Variants in CYP2C19 observed in about 807,000 individuals in gnomAD.
CYP2C19 encodes the protein cytochrome P450 family 2 subfamily C member 19.
In CYP2C19, 59 loss-of-function variants were observed where a neutral mutation model predicts 40.9. The ratio of observed to expected loss-of-function variants is 1.44; its 90% CI spans 1.17 to 1.79. CYP2C19 has a LOEUF of 1.79. Among genes scored for constraint, CYP2C19 ranks in the 40% most tolerant of loss-of-function variants. The pLI is 0.00. For missense variants in CYP2C19, 754 were observed against 596.9 expected, an observed-to-expected ratio of 1.26 and a Z score of -2.74; for synonymous variants, 253 against 208.7, an observed-to-expected ratio of 1.21 and a Z score of -1.83.
At chr10:94,830,137 A>T (rs1849306416) in intron 6 of CYP2C19, among the ~76,000 whole-genome samples, 1 of 152,210 alleles carries the variant, frequency 6.6e-6, no homozygotes, top group Admixed American at 6.5e-5. Flanking sequence ...CCAGAGGTGG[A>T]GCCTACAGAG....
intron 5 of CYP2C19, among the ~76,000 whole-genome samples, chr10:94,812,375 A>G (rs1848940102): frequency 6.6e-6 from 1 of 151,756 alleles, no homozygotes; most frequent in Admixed American, 6.6e-5. Flanking sequence ...CTTGAGGAGT[A>G]TCATTGTGGG....
intron 7 of CYP2C19, among the ~76,000 whole-genome samples, chr10:94,847,668 G>T (rs1253779904): frequency 6.6e-6 from 1 of 152,174 alleles, no homozygotes; most frequent in Non-Finnish European, 1.5e-5. Context: ...CTTCCACAAT[G>T]GTTGAACTAG....
At chr10:94,839,301 G>A (rs927780067) in intron 6 of CYP2C19, among the ~76,000 whole-genome samples, 1 of 151,502 alleles carries the variant, frequency 6.6e-6, no homozygotes, top group South Asian at 2.1e-4. Context: ...ACTCAGAGGT[G>A]AGTTCCTTTC....
chr10:94,788,198 A>C (rs1848567496), intron 5 of CYP2C19, among the ~76,000 whole-genome samples: 1 of 151,896 alleles, frequency 6.6e-6, no homozygotes, highest in Admixed American at 6.6e-5. Context: ...GATGTATACA[A>C]ATGGTACTGA....
At chr10:94,778,369 A>T (rs1296841832) in intron 3 of CYP2C19, among the ~76,000 whole-genome samples, 1 of 152,052 alleles carries the variant, frequency 6.6e-6, no homozygotes, top group East Asian at 1.9e-4. Flanking sequence ...GAGCCTTCCG[A>T]CCTTTCAGAA....
At position 94,781,958 on chromosome 10, in the gene CYP2C19, T is replaced by G; in HGVS notation, c.780T>G (p.Pro260=). The G allele has an allele frequency of 1.3e-6, 2 of 1,532,100 alleles. No individual in the cohort carries two copies. Among genetic ancestry groups the G allele is most frequent in the South Asian group, 2.7e-5 (2 of 74,100 alleles). 94.9% of individuals were successfully genotyped at this position (1,532,100 alleles called of 1,614,324 possible). A position where few individuals can be genotyped will look rare whatever the true frequency, so the allele number is the denominator to read the frequency against. ...AAGAATCGATGGACATCAACAACCCTCGGGACTTTATTGATTGCTTCCTGA... is the reference window on the plus strand; with the variant it reads ...AAGAATCGATGGACATCAACAACCCGCGGGACTTTATTGATTGCTTCCTGA... The part of the protein sequence containing the change: ...EHQESMDINN[P]RDFIDCFLIK... The change falls in exon 5 of 9, where the codon CCT becomes CCG. Residue 260 remains proline (P), a synonymous_variant. Coordinates refer to ENST00000371321, the MANE Select transcript of CYP2C19 (RefSeq NM_000769.4).
chr10:94,813,355 T>C lies in CYP2C19; in HGVS notation c.820-7141T>C, dbSNP rs933886201. Among the ~76,000 whole-genome samples, 6 of 151,978 alleles carry C rather than the reference T, an allele frequency of 3.9e-5. No individual in the cohort carries two copies. In the East Asian group the frequency reaches 7.8e-4, roughly 20 times the overall value. On this transcript the variant is annotated intron_variant, in intron 5 of 8. Transcript: ENST00000371321. Reference sequence around the variant, plus strand: ...TCTTTAGAGCCAGCAGGCAGGAACATTTAAGTCTGCCGAAGCTGCACCCAC... The same window carrying C: ...TCTTTAGAGCCAGCAGGCAGGAACACTTAAGTCTGCCGAAGCTGCACCCAC...
intron 6 of CYP2C19, among the ~76,000 whole-genome samples, chr10:94,822,777 G>C (rs920478648): frequency 5.3e-5 from 8 of 152,064 alleles, no homozygotes; most frequent in Admixed American, 5.2e-4. Flanking sequence ...CATTCTGACT[G>C]GTGTGAGATG....
chr10:94,809,443 A>G (rs755829335), intron 5 of CYP2C19, among the ~76,000 whole-genome samples: 6 of 152,098 alleles, frequency 3.9e-5, no homozygotes, highest in Admixed American at 1.3e-4. Flanking sequence ...AACGTGATAT[A>G]ATCCCATTTG....
chr10:94,791,329 C>T (rs1191583179), intron 5 of CYP2C19, among the ~76,000 whole-genome samples: 1 of 152,068 alleles, frequency 6.6e-6, no homozygotes, highest in Non-Finnish European at 1.5e-5. Flanking sequence ...CTCCTGGATT[C>T]ATTAACTTTT....
chr10:94,835,901 T>A (rs1305438663), intron 6 of CYP2C19, among the ~76,000 whole-genome samples: 1 of 152,198 alleles, frequency 6.6e-6, no homozygotes. Context: ...CTGACCACTG[T>A]GTACCTCGCT....
chr10:94,816,457 T>G (rs1341243135), intron 5 of CYP2C19, among the ~76,000 whole-genome samples: 1 of 152,122 alleles, frequency 6.6e-6, no homozygotes, highest in African/African-American at 2.4e-5. Context: ...TAACAAACTA[T>G]ACCAAACAGC....
intron 5 of CYP2C19, among the ~76,000 whole-genome samples, chr10:94,793,113 G>A (rs1404418947): frequency 3.3e-5 from 5 of 151,812 alleles, no homozygotes; most frequent in Admixed American, 3.3e-4. Flanking sequence ...TTGATCTTCA[G>A]TCTCTGATAC....
chr10:94,824,400 T>A (rs143373232), intron 6 of CYP2C19, among the ~76,000 whole-genome samples: 194 of 152,276 alleles, frequency 1.3e-3, no homozygotes, highest in African/African-American at 4.5e-3. Context: ...GAAACGTGAA[T>A]GTATTTTCAG....
chr10:94,763,682 G>A (rs531325472), intron 1 of CYP2C19, among the ~76,000 whole-genome samples: 8 of 151,906 alleles, frequency 5.3e-5, no homozygotes, highest in Non-Finnish European at 1.0e-4. Flanking sequence ...TAGATTGATG[G>A]TAGGGGGCAG....
At chr10:94,769,059 G>A (rs1428374461) in intron 1 of CYP2C19, among the ~76,000 whole-genome samples, 2 of 152,120 alleles carry the variant, frequency 1.3e-5, no homozygotes, top group East Asian at 1.9e-4. Context: ...GTGAGGATAA[G>A]CCAGTATAGG....
chr10:94,785,720 T>G (rs1848531762), intron 5 of CYP2C19, among the ~76,000 whole-genome samples: 1 of 152,092 alleles, frequency 6.6e-6, no homozygotes, highest in South Asian at 2.1e-4. Context: ...GAGCATCGCG[T>G]AAAATCGAGC....
At chr10:94,783,429 C>T (rs1324171841) in intron 5 of CYP2C19, among the ~76,000 whole-genome samples, 1 of 151,986 alleles carries the variant, frequency 6.6e-6, no homozygotes, top group African/African-American at 2.4e-5. Context: ...AGAGGGAAGG[C>T]TTCATTGAGT....
chr10:94,852,282 A>G (rs896667967), intron 8 of CYP2C19, among the ~76,000 whole-genome samples: 1 of 152,188 alleles, frequency 6.6e-6, no homozygotes, highest in Non-Finnish European at 1.5e-5. Context: ...GAAAATACTT[A>G]GCGGGAAAAA....
Sources: gnomAD v4.1 joint callset for allele counts (sites outside exome capture counted in the v4.1 genomes callset) on GRCh38, gnomAD v4.1.1 for gene constraint, MANE v1.5 for transcripts, NCBI Gene and HGNC (gene_info 2026-07-23, HGNC 2026-07-21) for gene names.